The following FAT1 variants were observed in gnomAD, a reference collection of about 807,000 sequenced individuals.
FAT1 encodes the protein protocadherin Fat 1.
In FAT1, 171 loss-of-function variants were observed where a neutral mutation model predicts 329.8. The observed-to-expected ratio is 0.52, with a 90% CI of 0.46 to 0.59. The LOEUF (loss-of-function observed/expected upper bound fraction) is 0.59. FAT1 is among the 20% of genes least tolerant of loss of function. The pLI, the probability that FAT1 is intolerant of heterozygous loss-of-function variation, is 0.00. For missense variants in FAT1, 5,672 were observed against 5,774.4 expected (o/e 0.98, Z 0.57); for synonymous variants, 2,233 against 2,228.6 (o/e 1.00, Z -0.06).
intron 26 of FAT1, among the ~76,000 whole-genome samples, chr4:186,592,193 A>G (rs2126369021): frequency 6.6e-6 from 1 of 152,312 alleles, no homozygotes; most frequent in Admixed American, 6.5e-5. Context: ...CTTTCTTACA[A>G]CTCTGAGCAG....
intron 2 of FAT1, among the ~76,000 whole-genome samples, chr4:186,698,522 A>C (rs1744143118): frequency 6.6e-6 from 1 of 152,252 alleles, no homozygotes; most frequent in African/African-American, 2.4e-5. Context: ...AAGATAAGAA[A>C]CAGCTCCACG....
At chr4:186,660,026 G>C (rs899373156) in intron 3 of FAT1, among the ~76,000 whole-genome samples, 1 of 152,172 alleles carries the variant, frequency 6.6e-6, no homozygotes, top group Non-Finnish European at 1.5e-5. Context: ...CTGGAAGTCA[G>C]TTCGCCCCAA....
chr4:186,595,693 G>T lies in FAT1; in HGVS notation c.13134C>A (p.Asp4378Glu), dbSNP rs778815135. The T allele has an allele frequency of 4.3e-6, 7 of 1,613,824 alleles. No homozygotes were observed. In the East Asian group the frequency reaches 1.6e-4, roughly 36 times the overall value. The change falls in exon 26 of 27, where the codon GAC becomes GAA. Residue 4378 changes from aspartate to glutamate, a missense_variant. Asp to Glu is a conservative substitution (Grantham distance 45). This residue lies in a region of FAT1 where 1,706 missense variants were observed against 1,859.1 expected (regional missense o/e 0.92). Coordinates refer to ENST00000441802, the MANE Select transcript of FAT1 (RefSeq NM_005245.4). ...LSSFQSESCDDNGYHWDTSDW... is the reference protein window; with the variant it reads ...LSSFQSESCDENGYHWDTSDW... ...TGCAGCACACTGCTGCCTCACCATT[G>T]TCATCGCACGATTCGGACTGGAAGG...
At chr4:186,706,283 G>A (rs533142790) in intron 2 of FAT1, among the ~76,000 whole-genome samples, 1 of 152,266 alleles carries the variant, frequency 6.6e-6, no homozygotes, top group South Asian at 2.1e-4. Context: ...ATAGAGTTTG[G>A]AGATCAGTAT....
At chr4:186,682,526 CAAAAA>C (rs10561120) in intron 2 of FAT1, among the ~76,000 whole-genome samples, 10 of 119,736 alleles carry the variant, frequency 8.4e-5, no homozygotes, top group Admixed American at 3.3e-4. Flanking sequence ...GACTCTGTCT[CAAAAA>C]AAAAAAAAAA....
At chr4:186,594,166 G>T (rs1738380040) in intron 26 of FAT1, among the ~76,000 whole-genome samples, 1 of 151,924 alleles carries the variant, frequency 6.6e-6, no homozygotes, top group Non-Finnish European at 1.5e-5. Context: ...CCCGGGCTCA[G>T]GCCATTCTCC....
intron 17 of FAT1, among the ~76,000 whole-genome samples, chr4:186,605,286 T>G (rs1739057880): frequency 1.9e-4 from 16 of 84,030 alleles, no homozygotes; most frequent in East Asian, 3.8e-4. Flanking sequence ...GAGAAGAGGT[T>G]GACAAGAGGA....
At chr4:186,660,291 C>A (rs1367536256) in intron 3 of FAT1, among the ~76,000 whole-genome samples, 2 of 152,056 alleles carry the variant, frequency 1.3e-5, no homozygotes, top group Non-Finnish European at 2.9e-5. Flanking sequence ...TACTTCAGGC[C>A]CTGAGGATCA....
In FAT1 at chr4:186,649,751, G is replaced by A. The variant is rs560304472; in HGVS notation, c.3581-9968C>T. Among the ~76,000 whole-genome samples, 6 of 152,220 alleles carry A rather than the reference G, an allele frequency of 3.9e-5. No individual in the cohort carries two copies. The South Asian group carries it at 8.3e-4, about 21-fold the overall frequency. ...AACCGCGACAGAATCCACCTCTGTCGTTTAAATTTATGGAAAGTAGCCTTA... is the reference window on the plus strand; with the variant it reads ...AACCGCGACAGAATCCACCTCTGTCATTTAAATTTATGGAAAGTAGCCTTA... On this transcript the variant is annotated intron_variant, in intron 3 of 26. Transcript: ENST00000441802.
chr4:186,723,612 C>G (rs1352931144), intron 1 of FAT1, 52 bp downstream of exon 1: 5 of 152,168 alleles, frequency 3.3e-5, no homozygotes, highest in African/African-American at 7.2e-5. Flanking sequence ...CGCACCGCAG[C>G]GCGCTGCACG....
rs199600336 is a variant in FAT1, at chr4:186,707,247, T to C, written c.2581A>G (p.Ile861Val). Residue 861 changes from isoleucine (I) to valine (V), a missense_variant, in exon 2 of 27, where the codon ATT becomes GTT. By Grantham distance (29) the Ile-to-Val change is conservative. Coordinates refer to ENST00000441802, the MANE Select transcript of FAT1 (RefSeq NM_005245.4). The stretch of plus-strand genomic sequence containing the variant: ...GAAAATGTGTCTGTGTCTGTAACAA[T>C]TGAGTACGTCACGTGTCCGTTGGGC... ...LGPNGHVTYS[I>V]VTDTDTFSID... is the part of the protein sequence containing the mutation. The C allele has an allele frequency of 1.4e-4, 218 of 1,613,980 alleles. No individual in the cohort carries two copies. Among genetic ancestry groups the C allele is most frequent in the East Asian group, 2.0e-4 (9 of 44,868 alleles).
upstream of FAT1, chr4:186,723,872 T>C (rs1415507639): frequency 2.8e-5 from 4 of 145,146 alleles, no homozygotes; most frequent in African/African-American, 1.0e-4. Flanking sequence ...GCGCAGGAGA[T>C]CCCTCCGCCC....
chr4:186,606,368 A>G (rs1739137492), intron 16 of FAT1, among the ~76,000 whole-genome samples, 155 bp from the exon 17 acceptor site: 1 of 151,808 alleles, frequency 6.6e-6, no homozygotes, highest in African/African-American at 2.4e-5. Context: ...TCTCCTACAA[A>G]CGAGTGCATG....
chr4:186,667,064 T>C (rs1032109046), intron 2 of FAT1, among the ~76,000 whole-genome samples: 1 of 152,366 alleles, frequency 6.6e-6, no homozygotes, highest in Middle Eastern at 3.4e-3. Flanking sequence ...TATTAAATGT[T>C]CACTCATACA....
rs753924279 is a variant in FAT1, at chr4:186,620,157, A to G, written c.6429T>C (p.Leu2143=). 6.2e-7 allele frequency: 1 copy of G among 1,614,024 alleles called. No homozygotes were observed. The highest frequency in any genetic ancestry group is 2.2e-5 in the East Asian group (1 of 44,884). Residue 2143 remains leucine, a synonymous_variant, in exon 10 of 27, where the codon CTT becomes CTC. Coordinates refer to ENST00000441802, the MANE Select transcript of FAT1 (RefSeq NM_005245.4). ...GEISLKKQFE[L]DTLNKEYLVT... ...CAAGATATTCTTTATTTAAGGTGTC[A>G]AGCTCAAATTGCTTTTTCAGTGAAA...
At chr4:186,638,134 T>C (rs75890976) in intron 4 of FAT1, among the ~76,000 whole-genome samples, 6,625 of 152,280 alleles carry the variant, frequency 0.044, 333 homozygotes, top group East Asian at 0.2. Context: ...GCCAAATCAA[T>C]GCCAGCACTG....
At chr4:186,612,213 A>AAACTTTTTTGGTTTTTGATT (rs149831179) in intron 13 of FAT1, among the ~76,000 whole-genome samples, 1 of 151,430 alleles carries the variant, frequency 6.6e-6, no homozygotes, top group African/African-American at 2.4e-5. Flanking sequence ...TTTAAAAGGT[A>AAACTTTTTTGGTTTTTGATT]AACAACTTAC....
chr4:186,722,172 C>T (rs1196665590), intron 1 of FAT1, among the ~76,000 whole-genome samples: 1 of 152,130 alleles, frequency 6.6e-6, no homozygotes, highest in Non-Finnish European at 1.5e-5. Context: ...GGCACCTGTC[C>T]GGACCATGGA....
At chr4:186,628,816 A>C in intron 7 of FAT1, 53 bp from the exon 8 acceptor site, 3 of 1,540,160 alleles carry the variant, frequency 1.9e-6, no homozygotes, top group Non-Finnish European at 1.8e-6. Flanking sequence ...TGAATGTTTT[A>C]ATACTTAAAG....
Sources: allele counts gnomAD v4.1 joint callset (sites outside exome capture counted in the v4.1 genomes callset), GRCh38; gene constraint gnomAD v4.1.1; regional missense constraint gnomAD v4.1.1; transcripts MANE v1.5; gene names NCBI Gene and HGNC (gene_info 2026-07-23, HGNC 2026-07-21).